Variants in RAB3GAP1 observed in about 807,000 individuals in gnomAD.
RAB3GAP1 encodes the protein rab3 GTPase-activating protein catalytic subunit.
Under a neutral mutation model 130.7 loss-of-function variants are expected in RAB3GAP1, and 86 were observed. The observed-to-expected ratio is 0.66, with a 90% CI of 0.55 to 0.79. The LOEUF (loss-of-function observed/expected upper bound fraction) is 0.79. RAB3GAP1 is among the 30% of genes least tolerant of loss of function. The probability of loss-of-function intolerance (pLI) is 0.00; values close to 1 mark genes in which losing one functional copy is unlikely to be tolerated. For missense variants in RAB3GAP1, 1,029 were observed against 1,169.4 expected (o/e 0.88, Z 1.75); for synonymous variants, 367 against 401.7 (o/e 0.91, Z 1.03).
intron 5 of RAB3GAP1, among the ~76,000 whole-genome samples, chr2:135,104,273 A>G (rs1690529792): frequency 6.6e-6 from 1 of 152,242 alleles, no homozygotes; most frequent in African/African-American, 2.4e-5. Flanking sequence ...TGAAAAAGCT[A>G]ACAACCCTCA....
chr2:135,053,730 G>T (rs1033097523), intron 2 of RAB3GAP1, among the ~76,000 whole-genome samples: 26 of 152,228 alleles, frequency 1.7e-4, no homozygotes, highest in African/African-American at 6.0e-4. Flanking sequence ...TATACAAAGG[G>T]AAAAGCAGAA....
chr2:135,071,163 A>G (rs1689462406), intron 3 of RAB3GAP1, among the ~76,000 whole-genome samples: 1 of 152,144 alleles, frequency 6.6e-6, no homozygotes, highest in Admixed American at 6.5e-5. Flanking sequence ...CCCTTCTACC[A>G]TCTTACCCTT....
At chr2:135,175,175 C>T (rs914270121), downstream of RAB3GAP1, among the ~76,000 whole-genome samples, 2 of 152,154 alleles carry the variant, frequency 1.3e-5, no homozygotes, top group African/African-American at 2.4e-5. Flanking sequence ...TCCCTGCCAC[C>T]GAGGGACATG....
chr2:135,156,232 G>A (rs1692305598), intron 19 of RAB3GAP1, among the ~76,000 whole-genome samples: 1 of 152,016 alleles, frequency 6.6e-6, no homozygotes, highest in Non-Finnish European at 1.5e-5. Context: ...GGCCCAGATG[G>A]TTTCACAGGG....
At position 135,130,753 on chromosome 2, in the gene RAB3GAP1, A is replaced by G. The variant is rs115566788; in HGVS notation, c.1236+32A>G. 8.5e-4 allele frequency: 1,338 copies of G among 1,572,862 alleles called. 11 individuals are homozygous for G. The African/African-American group carries it at 0.016, about 19-fold the overall frequency. ...AAATGTTCTGTCTTTATAGGTCTAT[A>G]TGCAGAATCATTTATTCATTATATA... is the stretch of plus-strand genomic sequence containing the variant. On this transcript the variant is annotated intron_variant, in intron 13 of 23. Transcript: ENST00000264158.
intron 8 of RAB3GAP1, among the ~76,000 whole-genome samples, chr2:135,123,544 A>G (rs953878323): frequency 6.6e-5 from 10 of 152,192 alleles, no homozygotes; most frequent in African/African-American, 2.4e-4. Context: ...ATTATTTCAA[A>G]GAGAAAAAAA....
At chr2:135,080,402 AGAG>A (rs1342668901) in intron 3 of RAB3GAP1, among the ~76,000 whole-genome samples, 27 of 152,354 alleles carry the variant, frequency 1.8e-4, no homozygotes, top group African/African-American at 4.8e-4. Context: ...TCATATATAC[AGAG>A]GAGAAGGTCA....
intron 5 of RAB3GAP1, among the ~76,000 whole-genome samples, chr2:135,112,692 G>T (rs575232449): frequency 4.6e-5 from 7 of 151,938 alleles, no homozygotes; most frequent in Non-Finnish European, 1.0e-4. Context: ...TTTCTCAAGC[G>T]GCAACAATAA....
rs1167298001 is a variant in RAB3GAP1, at chr2:135,153,562, T to C, written c.2062-87T>C. 382 of 1,275,926 alleles carry C rather than the reference T, an allele frequency of 3.0e-4. 1 individual carries two copies. Among genetic ancestry groups the C allele is most frequent in the Non-Finnish European group, 2.2e-5 (19 of 874,312 alleles). The allele number at this position is 1,275,926 out of a possible 1,614,324, so 79.0% of individuals were successfully genotyped here. A position where few individuals can be genotyped will look rare whatever the true frequency, so the allele number is the denominator to read the frequency against. ...TTAGATTGTAAAGATTAGATAGGCT[T>C]TTTTTGAAAATACAATTTTGCAAAC... On this transcript the variant is annotated intron_variant, in intron 18 of 23. Coordinates refer to ENST00000264158, the MANE Select transcript of RAB3GAP1 (RefSeq NM_012233.3).
chr2:135,174,280 C>CT (rs397784620), downstream of RAB3GAP1, among the ~76,000 whole-genome samples: 2 of 2,738 alleles, frequency 7.3e-4, no homozygotes, highest in African/African-American at 3.8e-3. Context: ...TGGCCCAGCC[C>CT]TCAGGGTTGG....
At chr2:135,158,091 A>C (rs1692365682) in intron 19 of RAB3GAP1, among the ~76,000 whole-genome samples, 1 of 152,126 alleles carries the variant, frequency 6.6e-6, no homozygotes, top group South Asian at 2.1e-4. Flanking sequence ...TGGACTTACG[A>C]GTTTTTAAAA....
At chr2:135,112,019 G>A (rs1344086354) in intron 5 of RAB3GAP1, among the ~76,000 whole-genome samples, 1 of 152,130 alleles carries the variant, frequency 6.6e-6, no homozygotes, top group Non-Finnish European at 1.5e-5. Context: ...CTTGCCTAAA[G>A]GAGGCATCCA....
chr2:135,063,416 C>T (rs1352546888), intron 3 of RAB3GAP1, among the ~76,000 whole-genome samples: 6 of 152,114 alleles, frequency 3.9e-5, no homozygotes, highest in African/African-American at 7.2e-5. Context: ...TTACTACCAT[C>T]CACATCCAGA....
chr2:135,126,452 A>G, intron 10 of RAB3GAP1, 131 bp from the exon 11 acceptor site: 1 of 978,498 alleles, frequency 1.0e-6, no homozygotes, highest in South Asian at 1.4e-5. Flanking sequence ...GTATCTGGAT[A>G]AGAGTAAGTT....
At chr2:135,082,642 T>C (rs893246602) in intron 3 of RAB3GAP1, among the ~76,000 whole-genome samples, 2 of 152,186 alleles carry the variant, frequency 1.3e-5, no homozygotes, top group African/African-American at 2.4e-5. Flanking sequence ...GGTTTCACCA[T>C]GTTGGTCAGG....
At position 135,135,330 on chromosome 2, in the gene RAB3GAP1, C is replaced by T; in HGVS notation, c.1554+11C>T. The T allele has an allele frequency of 6.3e-7, 1 of 1,589,836 alleles. No homozygotes were observed. Among genetic ancestry groups the T allele is most frequent in the Non-Finnish European group, 8.6e-7 (1 of 1,158,140 alleles). ...CATCAGAAACTACAGGTAAAGATTT[C>T]TCAATGACATGGATAAATGTGGTCT... On this transcript the variant is annotated intron_variant, in intron 16 of 23. Transcript: ENST00000264158.
At chr2:135,083,396 A>G (rs1452322375) in intron 3 of RAB3GAP1, among the ~76,000 whole-genome samples, 3 of 152,156 alleles carry the variant, frequency 2.0e-5, no homozygotes, top group Admixed American at 1.3e-4. Flanking sequence ...ACTGTTTTCC[A>G]GAGTGGCTCT....
At chr2:135,165,292 C>T in intron 23 of RAB3GAP1, 4 of 382,800 alleles carry the variant, frequency 1.0e-5, no homozygotes, top group South Asian at 8.0e-5. Context: ...TATATTGTAT[C>T]TTGGTTACTG....
At chr2:135,067,411 A>C (rs1360416421) in intron 3 of RAB3GAP1, among the ~76,000 whole-genome samples, 1 of 152,190 alleles carries the variant, frequency 6.6e-6, no homozygotes, top group Non-Finnish European at 1.5e-5. Context: ...TTTCCTTTAA[A>C]TCGTAACCAT....
Sources: gnomAD v4.1 joint callset for allele counts (sites outside exome capture counted in the v4.1 genomes callset) on GRCh38, gnomAD v4.1.1 for gene constraint, MANE v1.5 for transcripts, NCBI Gene and HGNC (gene_info 2026-07-23, HGNC 2026-07-21) for gene names.